Variants in RAB35 observed in about 807,000 individuals in gnomAD.
The protein encoded by RAB35 is RAB35, member RAS oncogene family.
In RAB35, 4 loss-of-function variants were observed where a neutral mutation model predicts 28.9. The ratio of observed to expected loss-of-function variants is 0.14; its 90% CI spans 0.07 to 0.32. The LOEUF is 0.32. Ranked by LOEUF, RAB35 falls within the 10% of genes least tolerant of loss-of-function variation. The pLI is 1.00. For missense variants in RAB35, 128 were observed against 274.0 expected (o/e 0.47, Z 3.76); for synonymous variants, 99 against 105.1 (o/e 0.94, Z 0.35).
intron 1 of RAB35, among the ~76,000 whole-genome samples, chr12:120,116,116 G>C (rs1230036780): frequency 1.3e-5 from 2 of 152,168 alleles, no homozygotes; most frequent in African/African-American, 2.4e-5. Context: ...TGATGATAAT[G>C]ACAATAGTGA....
chr12:120,104,026 C>A (rs956774172), intron 2 of RAB35, 77 bp from the exon 3 acceptor site: 7 of 1,545,664 alleles, frequency 4.5e-6, no homozygotes, highest in East Asian at 2.3e-5. Context: ...ACACAACACA[C>A]CCCCAGGCTC....
At position 120,096,565 on chromosome 12, in the gene RAB35, G is replaced by A; in HGVS notation, c.*680C>T. 1 of 1,289,766 alleles carries A rather than the reference G, an allele frequency of 7.8e-7. No homozygotes were observed. Among genetic ancestry groups the A allele is most frequent in the Non-Finnish European group, 1.0e-6 (1 of 988,890 alleles). The allele number at this position is 1,289,766 out of a possible 1,614,324, so 79.9% of individuals were successfully genotyped here. ...CAGAGGCATCTAGAAGGCAGGACAAGAAATCTGTTGGCCAAAGGGCAAGAC... is the reference window on the plus strand; with the variant it reads ...CAGAGGCATCTAGAAGGCAGGACAAAAAATCTGTTGGCCAAAGGGCAAGAC... On this transcript the variant is annotated 3_prime_UTR_variant, in exon 6 of 6. Transcript: ENST00000229340.
intron 2 of RAB35, among the ~76,000 whole-genome samples, chr12:120,106,015 A>C (rs1232958149): frequency 2.0e-5 from 3 of 151,636 alleles, no homozygotes; most frequent in African/African-American, 4.8e-5. Context: ...GAGAGGGGCC[A>C]CTGAGGTTTT....
intron 1 of RAB35, among the ~76,000 whole-genome samples, chr12:120,115,333 G>A (rs1876286082): frequency 6.6e-6 from 1 of 152,170 alleles, no homozygotes. Context: ...CCGCTCACTT[G>A]ATTTGATCCC....
chr12:120,101,253 CCT>C, intron 3 of RAB35, among the ~76,000 whole-genome samples: 1 of 152,350 alleles, frequency 6.6e-6, no homozygotes, highest in South Asian at 2.1e-4. Flanking sequence ...TCTGCAGCCA[CCT>C]GATCCAGCAG....
At position 120,096,109 on chromosome 12, in the gene RAB35, C is replaced by T. The variant is rs1343752863; in HGVS notation, c.*1136G>A. 2 of 291,670 alleles carry T rather than the reference C, an allele frequency of 6.9e-6. No homozygotes were observed. The highest frequency in any genetic ancestry group is 1.3e-5 in the Non-Finnish European group (2 of 149,676). 18.1% of individuals were successfully genotyped at this position (291,670 alleles called of 1,614,324 possible). ...ACAAAGGTTAGGACAGTGACCAGGG[C>T]CTGTCCATGGTCCCCACCCAGAGGC... On this transcript the variant is annotated 3_prime_UTR_variant, in exon 6 of 6. Transcript: ENST00000229340.
intron 1 of RAB35, among the ~76,000 whole-genome samples, chr12:120,113,973 AT>A (rs1876229639): frequency 6.6e-6 from 1 of 152,206 alleles, no homozygotes; most frequent in African/African-American, 2.4e-5. Context: ...TGGAGGGCCT[AT>A]TGTTTGCCAG....
intron 1 of RAB35, among the ~76,000 whole-genome samples, chr12:120,109,457 A>G (rs1018114173): frequency 4.6e-5 from 7 of 151,924 alleles, no homozygotes; most frequent in African/African-American, 1.7e-4. Flanking sequence ...CTGTCTCAAA[A>G]AAAAAAAAAT....
chr12:120,115,470 ACAT>A (rs1876291779), intron 1 of RAB35, among the ~76,000 whole-genome samples: 1 of 152,124 alleles, frequency 6.6e-6, no homozygotes, highest in Admixed American at 6.5e-5. Context: ...TCTTTCATGA[ACAT>A]CATATAACCC....
intron 2 of RAB35, 62 bp downstream of exon 2, chr12:120,108,355 G>A: frequency 6.7e-7 from 1 of 1,499,448 alleles, no homozygotes; most frequent in African/African-American, 1.4e-5. Flanking sequence ...TTGGTGCCAG[G>A]GAGGGGATGT....
At chr12:120,099,336 C>A in intron 3 of RAB35, 182 bp from the exon 4 acceptor site, 1 of 779,526 alleles carries the variant, frequency 1.3e-6, no homozygotes, top group Non-Finnish European at 2.0e-6. Flanking sequence ...GAGGCTACTG[C>A]GGCAGCACTG....
At chr12:120,105,694 T>C (rs1243615114) in intron 2 of RAB35, among the ~76,000 whole-genome samples, 2 of 151,134 alleles carry the variant, frequency 1.3e-5, no homozygotes, top group Non-Finnish European at 2.9e-5. Flanking sequence ...GAGGCCGAGG[T>C]GGGCAGATCA....
Position 120,096,655 on chromosome 12 carries a change from G to A in RAB35, c.*590C>T. The A allele has an allele frequency of 7.8e-7, 1 of 1,289,900 alleles. No individual in the cohort carries two copies. The allele number at this position is 1,289,900 out of a possible 1,614,324, so 79.9% of individuals were successfully genotyped here. A position where few individuals can be genotyped will look rare whatever the true frequency, so the allele number is the denominator to read the frequency against. On this transcript the variant is annotated 3_prime_UTR_variant, in exon 6 of 6. Coordinates refer to ENST00000229340, the MANE Select transcript of RAB35 (RefSeq NM_006861.7). ...AGGTTCCCCAGCTCCCAGAATGGCT[G>A]TGGGGACAGGACAACGGGGAGGGAA...
At chr12:120,110,271 C>T (rs1257312524) in intron 1 of RAB35, among the ~76,000 whole-genome samples, 3 of 120,142 alleles carry the variant, frequency 2.5e-5, no homozygotes, top group Admixed American at 1.5e-4. Context: ...GGTGTCTGTT[C>T]ATGGGAGAAG....
chr12:120,102,173 T>C (rs1247412952), intron 3 of RAB35, among the ~76,000 whole-genome samples: 1 of 152,304 alleles, frequency 6.6e-6, no homozygotes, highest in East Asian at 1.9e-4. Flanking sequence ...GGCTTCATCC[T>C]CCCTGGGCCT....
intron 1 of RAB35, among the ~76,000 whole-genome samples, chr12:120,110,972 G>GCCT (rs1876094792): frequency 6.6e-6 from 1 of 152,262 alleles, no homozygotes; most frequent in African/African-American, 2.4e-5. Context: ...TGGCCTCGCC[G>GCCT]CCTCCTCTGC....
chr12:120,100,259 C>T (rs1875605722), intron 3 of RAB35, among the ~76,000 whole-genome samples: 1 of 152,248 alleles, frequency 6.6e-6, no homozygotes, highest in African/African-American at 2.4e-5. Flanking sequence ...CTGGCCAATG[C>T]TTCACATCTG....
chr12:120,111,343 C>G lies in RAB35; in HGVS notation c.53-2876G>C, dbSNP rs542453353. ...CAGTATCCCCTCCAGCTTGGCCTCT[C>G]CAGGTCCCCATACTGTCCCCAGGCG... On this transcript the variant is annotated intron_variant, in intron 1 of 5. Coordinates refer to ENST00000229340, the MANE Select transcript of RAB35 (RefSeq NM_006861.7). Among the ~76,000 whole-genome samples the G allele has an allele frequency of 1.2e-3, 186 of 152,286 alleles. 1 individual carries two copies. The highest frequency in any genetic ancestry group is 2.4e-3 in the Non-Finnish European group (162 of 68,014).
intron 2 of RAB35, among the ~76,000 whole-genome samples, chr12:120,105,841 C>G (rs80311242): frequency 7.5e-5 from 11 of 145,800 alleles, no homozygotes; most frequent in Non-Finnish European, 1.6e-4. Context: ...GGCGTGAACC[C>G]GGGAGGCGGA....
Sources: gnomAD v4.1 joint callset for allele counts (sites outside exome capture counted in the v4.1 genomes callset) on GRCh38, gnomAD v4.1.1 for gene constraint, MANE v1.5 for transcripts, NCBI Gene and HGNC (gene_info 2026-07-23, HGNC 2026-07-21) for gene names.